PKNOX2: variants seen among roughly 807,000 people sequenced by gnomAD.
The protein encoded by PKNOX2 is PBX/knotted 1 homeobox 2.
In PKNOX2, 14 loss-of-function variants were observed where a neutral mutation model predicts 53.1. The observed-to-expected ratio is 0.26, with a 90% CI of 0.17 to 0.41. The LOEUF is 0.41. PKNOX2 is among the 10% of genes least tolerant of loss of function. PKNOX2 has a pLI of 1.00. For missense variants in PKNOX2, 496 were observed against 602.8 expected, an observed-to-expected ratio of 0.82 and a Z score of 1.85; for synonymous variants, 257 against 242.8, an observed-to-expected ratio of 1.06 and a Z score of -0.54.
intron 1 of PKNOX2, among the ~76,000 whole-genome samples, chr11:125,209,311 G>A (rs1347441819): frequency 6.6e-6 from 1 of 152,014 alleles, no homozygotes; most frequent in Non-Finnish European, 1.5e-5. Context: ...TTCCACTTCA[G>A]TATAATGCCT....
At chr11:125,401,770 T>G (rs1036894294) in intron 7 of PKNOX2, among the ~76,000 whole-genome samples, 1 of 150,724 alleles carries the variant, frequency 6.6e-6, no homozygotes, top group Non-Finnish European at 1.5e-5. Context: ...CTTGTGAGTG[T>G]GTGTGTGTGT....
At chr11:125,231,100 A>G (rs1366250956) in intron 1 of PKNOX2, among the ~76,000 whole-genome samples, 2 of 152,210 alleles carry the variant, frequency 1.3e-5, no homozygotes, top group African/African-American at 4.8e-5. Flanking sequence ...TACAGCGATT[A>G]AAGTTCCTTG....
chr11:125,191,859 A>T (rs557557163), intron 1 of PKNOX2, among the ~76,000 whole-genome samples: 1 of 152,306 alleles, frequency 6.6e-6, no homozygotes, highest in Non-Finnish European at 1.5e-5. Flanking sequence ...TGTTGCAAAA[A>T]CTACAAAAAT....
chr11:125,287,905 C>T (rs1239121948), intron 2 of PKNOX2: 4 of 152,202 alleles, frequency 2.6e-5, no homozygotes, highest in Non-Finnish European at 5.9e-5. Flanking sequence ...ACACAGAGCC[C>T]TGCAGCCTGT....
intron 3 of PKNOX2, among the ~76,000 whole-genome samples, chr11:125,344,847 G>A (rs183280575): frequency 3.3e-5 from 5 of 152,284 alleles, no homozygotes; most frequent in Admixed American, 3.3e-4. Context: ...TTGTGGAGTC[G>A]CGGCTTATTT....
intron 7 of PKNOX2, among the ~76,000 whole-genome samples, chr11:125,399,390 G>T (rs1591556893): frequency 6.6e-6 from 1 of 152,158 alleles, no homozygotes. Flanking sequence ...ATTGCTCAAC[G>T]AGCATCTCGT....
chr11:125,232,608 C>T (rs1355271130), intron 1 of PKNOX2, among the ~76,000 whole-genome samples: 2 of 152,238 alleles, frequency 1.3e-5, no homozygotes, highest in South Asian at 2.1e-4. Context: ...TCTCTCTCCT[C>T]TCTTTTCTAT....
chr11:125,377,968 G>T (rs935316402), intron 5 of PKNOX2, among the ~76,000 whole-genome samples: 1 of 152,218 alleles, frequency 6.6e-6, no homozygotes, highest in Non-Finnish European at 1.5e-5. Flanking sequence ...ATCTGCGAGC[G>T]CTGGCTTCAT....
In PKNOX2 at chr11:125,169,503, T is replaced by C. The variant is rs114669100; in HGVS notation, c.-201+4727T>C. Among the ~76,000 whole-genome samples, 744 of 152,300 alleles carry C rather than the reference T, an allele frequency of 4.9e-3. 6 individuals are homozygous for C. Among genetic ancestry groups the C allele is most frequent in the African/African-American group, 0.017 (699 of 41,556 alleles). ...GATAATCAAGGTTGGCAGGTCAGCA[T>C]GCTGAGCTAGTGTTTAGGCTGAAAT... On this transcript the variant is annotated intron_variant, in intron 1 of 12. Coordinates refer to ENST00000298282, the MANE Select transcript of PKNOX2 (RefSeq NM_001382323.2).
intron 3 of PKNOX2, among the ~76,000 whole-genome samples, chr11:125,340,838 C>T (rs915270998): frequency 2.6e-5 from 4 of 151,878 alleles, no homozygotes; most frequent in African/African-American, 4.8e-5. Flanking sequence ...GATCACAAGG[C>T]CAGGAGTTTG....
intron 4 of PKNOX2, among the ~76,000 whole-genome samples, chr11:125,353,131 T>C (rs1951409088): frequency 6.6e-6 from 1 of 152,162 alleles, no homozygotes; most frequent in African/African-American, 2.4e-5. Context: ...GCTCCACTTG[T>C]TTTGTGACTG....
At chr11:125,393,370 T>C (rs1300144257) in intron 6 of PKNOX2, among the ~76,000 whole-genome samples, 2 of 152,126 alleles carry the variant, frequency 1.3e-5, no homozygotes, top group African/African-American at 4.8e-5. Context: ...GGAGAGATTT[T>C]GATTGAATAT....
intron 6 of PKNOX2, among the ~76,000 whole-genome samples, chr11:125,388,521 A>G (rs1160959277): frequency 1.3e-5 from 2 of 152,092 alleles, no homozygotes; most frequent in Middle Eastern, 3.4e-3. Flanking sequence ...TTGAATATTG[A>G]CTTTCATAGG....
At chr11:125,255,264 T>C (rs1944326838) in intron 2 of PKNOX2, among the ~76,000 whole-genome samples, 1 of 152,204 alleles carries the variant, frequency 6.6e-6, no homozygotes, top group Non-Finnish European at 1.5e-5. Context: ...GGGTTCTCTA[T>C]ATGTCTCCAT....
At chr11:125,296,518 T>C (rs11220012) in intron 2 of PKNOX2, among the ~76,000 whole-genome samples, 36,738 of 152,178 alleles carry the variant, frequency 0.24, 5,844 homozygotes, top group African/African-American at 0.45. Context: ...CTACCTTACA[T>C]GAAAGAGTGA....
chr11:125,167,580 G>A (rs56041082), intron 1 of PKNOX2, among the ~76,000 whole-genome samples: 1 of 152,200 alleles, frequency 6.6e-6, no homozygotes, highest in South Asian at 2.1e-4. Context: ...TTACCGGAGG[G>A]AGATGGGCCC....
At chr11:125,267,090 C>T (rs781208341) in intron 2 of PKNOX2, among the ~76,000 whole-genome samples, 6 of 152,194 alleles carry the variant, frequency 3.9e-5, no homozygotes, top group South Asian at 2.1e-4. Context: ...AGCCAAAGCA[C>T]GGACCCTGAT....
intron 1 of PKNOX2, among the ~76,000 whole-genome samples, chr11:125,172,729 C>T (rs541183559): frequency 1.3e-5 from 2 of 152,222 alleles, no homozygotes; most frequent in South Asian, 4.1e-4. Flanking sequence ...TGTGGCTAGG[C>T]AATCATTAAA....
intron 2 of PKNOX2, among the ~76,000 whole-genome samples, chr11:125,272,205 G>A (rs1273183555): frequency 6.6e-6 from 1 of 152,190 alleles, no homozygotes; most frequent in Non-Finnish European, 1.5e-5. Flanking sequence ...GGGTCGTGGG[G>A]GTGTGAGGAA....
Sources: allele counts gnomAD v4.1 joint callset (sites outside exome capture counted in the v4.1 genomes callset), GRCh38; gene constraint gnomAD v4.1.1; transcripts MANE v1.5; gene names NCBI Gene and HGNC (gene_info 2026-07-23, HGNC 2026-07-21).